Variants in ANKRD26 observed in about 807,000 individuals in gnomAD.
The protein encoded by ANKRD26 is ankyrin repeat domain-containing protein 26.
Under a neutral mutation model 208.7 loss-of-function variants are expected in ANKRD26, and 141 were observed. The ratio of observed to expected loss-of-function variants is 0.68; its 90% CI spans 0.59 to 0.78. The LOEUF (loss-of-function observed/expected upper bound fraction) is 0.78. Among genes scored for constraint, ANKRD26 ranks in the 30% least tolerant of loss-of-function variants. The probability of loss-of-function intolerance (pLI) is 0.00; values close to 1 mark genes in which losing one functional copy is unlikely to be tolerated. For synonymous variants in ANKRD26, 636 were observed against 660.4 expected, an observed-to-expected ratio of 0.96 and a Z score of 0.57; for missense variants, 1,889 against 1,938.7, an observed-to-expected ratio of 0.97 and a Z score of 0.48.
intron 21 of ANKRD26, among the ~76,000 whole-genome samples, chr10:27,038,769 ATTT>A (rs2054129917): frequency 2.0e-5 from 3 of 152,182 alleles, no homozygotes; most frequent in Non-Finnish European, 4.4e-5. Flanking sequence ...ATAGAAATAT[ATTT>A]TTGTTTTTAT....
chr10:27,079,055 G>A, intron 7 of ANKRD26, 34 bp downstream of exon 7: 1 of 1,555,786 alleles, frequency 6.4e-7, no homozygotes, highest in South Asian at 1.1e-5. Context: ...TAGATTCAGA[G>A]TAAGAAAATT....
rs2052823108 is a variant in ANKRD26 at position 27,005,040 on chromosome 10, CT to C, written c.*549del. ...CTAAAACTTCGAAATTTTCTCTAAA[CT>C]GAAGGCTATTTCCAAAAGGTTAATT... On this transcript the variant is annotated 3_prime_UTR_variant, in exon 34 of 34. Coordinates refer to ENST00000376087, the MANE Select transcript of ANKRD26 (RefSeq NM_014915.3). 2 of 984,898 alleles carry C rather than the reference CT, an allele frequency of 2.0e-6. No individual in the cohort carries two copies. Among genetic ancestry groups the C allele is most frequent in the Admixed American group, 1.2e-4 (2 of 16,264 alleles). 61.0% of individuals were successfully genotyped at this position (984,898 alleles called of 1,614,324 possible). A position where few individuals can be genotyped will look rare whatever the true frequency, so the allele number is the denominator to read the frequency against.
Position 27,027,689 on chromosome 10 carries a change from A to C in ANKRD26, c.3972+1163T>G, listed in dbSNP as rs577505979. 2.7e-3 allele frequency among the ~76,000 whole-genome samples: 410 copies of C among 152,364 alleles called. 2 individuals carry two copies. Among genetic ancestry groups the C allele is most frequent in the African/African-American group, 9.1e-3 (377 of 41,596 alleles). On this transcript the variant is annotated intron_variant, in intron 27 of 33. Coordinates refer to ENST00000376087, the MANE Select transcript of ANKRD26 (RefSeq NM_014915.3). ...TAGCAAGTAGTATTACCATGAATAC[A>C]ATAAATATTTTTATCAATAAGGATT...
At chr10:26,981,781 C>A (rs2052312519) in intron 4 of ANKRD26, among the ~76,000 whole-genome samples, 1 of 152,064 alleles carries the variant, frequency 6.6e-6, no homozygotes, top group African/African-American at 2.4e-5. Context: ...TGTGTCAGAC[C>A]CAATGGGTTC....
At chr10:27,070,557 T>C (rs35844030) in intron 9 of ANKRD26, among the ~76,000 whole-genome samples, 2 of 152,140 alleles carry the variant, frequency 1.3e-5, no homozygotes, top group Non-Finnish European at 2.9e-5. Context: ...AATGAATTTA[T>C]GAGCAAGGTT....
downstream of ANKRD26, among the ~76,000 whole-genome samples, chr10:26,971,002 G>A (rs1358408083): frequency 1.3e-5 from 2 of 152,212 alleles, no homozygotes; most frequent in Non-Finnish European, 2.9e-5. Context: ...ATAGATACAG[G>A]AGTGGGGAAC....
chr10:26,980,463 C>A (rs12775187), intron 5 of ANKRD26, among the ~76,000 whole-genome samples: 4 of 152,216 alleles, frequency 2.6e-5, no homozygotes, highest in Non-Finnish European at 4.4e-5. Context: ...AGTGACCTGA[C>A]AATGAGCTCA....
At chr10:26,975,876 A>T (rs1053189305) in exon 6 of ANKRD26, among the ~76,000 whole-genome samples, 5 of 151,624 alleles carry the variant, frequency 3.3e-5, no homozygotes, top group African/African-American at 1.2e-4. Flanking sequence ...AAATAAATAA[A>T]TAATAAATAA....
intron 32 of ANKRD26, among the ~76,000 whole-genome samples, chr10:27,010,857 T>G (rs1438875240): frequency 6.6e-6 from 1 of 152,174 alleles, no homozygotes; most frequent in African/African-American, 2.4e-5. Context: ...TAGGAAAATT[T>G]CATGACTCTG....
intron 20 of ANKRD26, among the ~76,000 whole-genome samples, chr10:27,041,539 T>C (rs2054240079): frequency 6.6e-6 from 1 of 152,206 alleles, no homozygotes; most frequent in Non-Finnish European, 1.5e-5. Flanking sequence ...GCTGTTTATA[T>C]GTAACTCAAC....
chr10:26,994,011 C>T (rs1485639390), intron 5 of ANKRD26, among the ~76,000 whole-genome samples: 1 of 152,180 alleles, frequency 6.6e-6, no homozygotes, highest in Non-Finnish European at 1.5e-5. Context: ...AAGGCTGGTG[C>T]CTGGTTCTGC....
the ANKRD26 span, among the ~76,000 whole-genome samples, chr10:26,962,267 C>T: frequency 6.6e-6 from 1 of 152,014 alleles, no homozygotes; most frequent in Non-Finnish European, 1.5e-5. Flanking sequence ...CCCATCTCTA[C>T]AAAAAATAAA....
chr10:27,038,418 G>A (rs1278080071), intron 21 of ANKRD26, among the ~76,000 whole-genome samples: 2 of 152,144 alleles, frequency 1.3e-5, no homozygotes, highest in African/African-American at 4.8e-5. Context: ...GGGAGGCCGA[G>A]GCGCGCAGAT....
chr10:26,994,224 G>A (rs2052539620), intron 5 of ANKRD26, among the ~76,000 whole-genome samples: 1 of 152,146 alleles, frequency 6.6e-6, no homozygotes, highest in Non-Finnish European at 1.5e-5. Flanking sequence ...AACCTCAAAA[G>A]GTCCAGCTAG....
the ANKRD26 span, among the ~76,000 whole-genome samples, chr10:26,962,392 T>C: frequency 1.3e-5 from 2 of 151,934 alleles, no homozygotes; most frequent in South Asian, 2.1e-4. Flanking sequence ...GGGGCCAACA[T>C]GGTGAAACCC....
At chr10:26,977,059 A>G (rs1483484501) in intron 5 of ANKRD26, among the ~76,000 whole-genome samples, 1 of 152,176 alleles carries the variant, frequency 6.6e-6, no homozygotes, top group Non-Finnish European at 1.5e-5. Flanking sequence ...GGAAACTTCG[A>G]TGCTTCAAGC....
At chr10:27,097,130 C>T (rs1453792767) in intron 1 of ANKRD26, among the ~76,000 whole-genome samples, 6 of 151,458 alleles carry the variant, frequency 4.0e-5, no homozygotes, top group Admixed American at 3.3e-4. Flanking sequence ...TGCATTGAGC[C>T]GAGATCACAC....
chr10:27,007,682 C>T (rs35710580), intron 32 of ANKRD26, among the ~76,000 whole-genome samples: 14,270 of 152,082 alleles, frequency 0.094, 799 homozygotes, highest in East Asian at 0.28. Context: ...AAACCACTTT[C>T]CATTGTCTAC....
chr10:27,043,043 T>C (rs138782997), intron 20 of ANKRD26, among the ~76,000 whole-genome samples: 6 of 150,990 alleles, frequency 4.0e-5, no homozygotes, highest in Non-Finnish European at 8.8e-5. Context: ...TGCAAAGACT[T>C]CTTAAATGCG....
Sources: allele counts gnomAD v4.1 joint callset (sites outside exome capture counted in the v4.1 genomes callset), GRCh38; gene constraint gnomAD v4.1.1; transcripts MANE v1.5; gene names NCBI Gene and HGNC (gene_info 2026-07-23, HGNC 2026-07-21).